Variants in CDK14 observed in about 807,000 individuals in gnomAD.
The protein encoded by CDK14 is cyclin-dependent kinase 14.
A neutral mutation model predicts 60.7 loss-of-function variants in CDK14; 34 were observed. The ratio of observed to expected loss-of-function variants is 0.56; its 90% CI spans 0.43 to 0.75. The LOEUF is 0.75. Ranked by LOEUF, CDK14 falls within the 30% of genes least tolerant of loss-of-function variation. CDK14 has a pLI of 0.00. For missense variants in CDK14, 482 were observed against 564.1 expected (o/e 0.85, Z 1.47); for synonymous variants, 197 against 203.7 (o/e 0.97, Z 0.28).
chr7:90,699,715 A>G (rs17772847), intron 2 of CDK14, among the ~76,000 whole-genome samples: 9,769 of 152,258 alleles, frequency 0.064, 711 homozygotes, highest in East Asian at 0.39. Flanking sequence ...AGGTGGATCC[A>G]TGCTGCATTG....
chr7:91,125,672 A>G (rs766232820), intron 14 of CDK14, among the ~76,000 whole-genome samples: 8 of 152,168 alleles, frequency 5.3e-5, no homozygotes, highest in Non-Finnish European at 8.8e-5. Flanking sequence ...TAATGTACAC[A>G]ATCTAGAAAA....
At position 91,173,746 on chromosome 7, in the gene CDK14, G is replaced by A. The variant is rs867297126; in HGVS notation, c.*29-33419G>A. Among the ~76,000 whole-genome samples, 6 of 152,320 alleles carry A rather than the reference G, an allele frequency of 3.9e-5. No homozygotes were observed. The South Asian group carries it at 1.0e-3, about 26-fold the overall frequency. On this transcript the variant is annotated intron_variant, in intron 14 of 14. Transcript: ENST00000380050. Reference sequence around the variant, plus strand: ...TCCCACCCCAATACCGCGCTTTTCCGATGGGCTTAAAAAACGGCTCACCAC... The same window carrying A: ...TCCCACCCCAATACCGCGCTTTTCCAATGGGCTTAAAAAACGGCTCACCAC...
At chr7:91,068,170 G>A (rs577458714) in intron 11 of CDK14, among the ~76,000 whole-genome samples, 6 of 152,276 alleles carry the variant, frequency 3.9e-5, no homozygotes, top group African/African-American at 9.6e-5. Context: ...GCTGAATTAT[G>A]TTGCATCTTG....
At chr7:90,915,504 C>T (rs1226296703) in intron 7 of CDK14, among the ~76,000 whole-genome samples, 3 of 152,126 alleles carry the variant, frequency 2.0e-5, no homozygotes, top group Admixed American at 6.5e-5. Flanking sequence ...TGAGCCTGCA[C>T]CCCCCAAAAA....
intron 14 of CDK14, among the ~76,000 whole-genome samples, chr7:91,145,024 TCTTA>T (rs537134692): frequency 5.3e-5 from 8 of 152,216 alleles, no homozygotes; most frequent in Non-Finnish European, 1.0e-4. Context: ...ACCTTTTTAT[TCTTA>T]CTTAACTATT....
intron 9 of CDK14, among the ~76,000 whole-genome samples, chr7:90,971,199 T>C (rs7797654): frequency 0.44 from 66,063 of 150,350 alleles, 15,210 homozygotes; most frequent in East Asian, 0.7. Flanking sequence ...TGAACACCTA[T>C]TTTGTACAAG....
At chr7:90,837,166 T>G (rs1790130404) in intron 5 of CDK14, among the ~76,000 whole-genome samples, 1 of 152,202 alleles carries the variant, frequency 6.6e-6, no homozygotes, top group Non-Finnish European at 1.5e-5. Flanking sequence ...CAATGATTAT[T>G]CCTGGGCATT....
chr7:91,148,733 A>G (rs1800733406), intron 14 of CDK14, among the ~76,000 whole-genome samples: 1 of 152,160 alleles, frequency 6.6e-6, no homozygotes, highest in African/African-American at 2.4e-5. Flanking sequence ...GTGTATAAAT[A>G]GGCCGCTGGT....
chr7:90,703,015 T>C (rs1356396417), intron 2 of CDK14, among the ~76,000 whole-genome samples: 1 of 56,078 alleles, frequency 1.8e-5, no homozygotes, highest in African/African-American at 6.6e-5. Context: ...GTTGTTGTTG[T>C]TTTGTTTTTT....
chr7:91,171,340 A>G (rs1331590346), intron 14 of CDK14, among the ~76,000 whole-genome samples: 4 of 152,078 alleles, frequency 2.6e-5, no homozygotes, highest in East Asian at 1.9e-4. Flanking sequence ...ACAGGGCAAC[A>G]CTGCATCTAA....
chr7:90,608,619 A>G, intron 2 of CDK14: 1 of 776,186 alleles, frequency 1.3e-6, no homozygotes, highest in Non-Finnish European at 1.6e-6. Context: ...AACCTTTGAA[A>G]TGCAAAGAAT....
At chr7:90,816,410 C>T (rs2117062246) in intron 5 of CDK14, among the ~76,000 whole-genome samples, 1 of 152,286 alleles carries the variant, frequency 6.6e-6, no homozygotes, top group South Asian at 2.1e-4. Flanking sequence ...AAAAGATAAT[C>T]TGGGTATTGT....
At chr7:90,735,996 CTG>C (rs1803084718) in intron 3 of CDK14, among the ~76,000 whole-genome samples, 1 of 152,240 alleles carries the variant, frequency 6.6e-6, no homozygotes, top group South Asian at 2.1e-4. Context: ...GTTGCAAACA[CTG>C]TGGTAAAAGC....
chr7:90,834,179 G>A (rs944971224), intron 5 of CDK14, among the ~76,000 whole-genome samples: 4 of 152,130 alleles, frequency 2.6e-5, no homozygotes, highest in Non-Finnish European at 2.9e-5. Flanking sequence ...GAAGCAATTC[G>A]AGGAAATTAT....
intron 12 of CDK14, among the ~76,000 whole-genome samples, chr7:91,093,463 C>T (rs894903047): frequency 5.3e-5 from 8 of 152,148 alleles, no homozygotes; most frequent in Non-Finnish European, 8.8e-5. Context: ...GAGTAGTATA[C>T]TTTAGTGTGT....
chr7:90,817,507 T>A (rs1376091895), intron 5 of CDK14, among the ~76,000 whole-genome samples: 1 of 152,220 alleles, frequency 6.6e-6, no homozygotes, highest in Non-Finnish European at 1.5e-5. Context: ...GTTTTAATGA[T>A]GCTAACTTGG....
chr7:91,045,524 CAT>C (rs1225359371), intron 10 of CDK14, among the ~76,000 whole-genome samples: 2 of 152,074 alleles, frequency 1.3e-5, no homozygotes, highest in African/African-American at 2.4e-5. Flanking sequence ...AATGATGAGA[CAT>C]GTGATACTGG....
At chr7:90,766,076 T>G (rs534194605) in intron 4 of CDK14, among the ~76,000 whole-genome samples, 166 of 152,292 alleles carry the variant, frequency 1.1e-3, no homozygotes, top group African/African-American at 3.7e-3. Context: ...TATCTTTTAT[T>G]TTTATTCATG....
intron 14 of CDK14, among the ~76,000 whole-genome samples, chr7:91,184,204 TAAAAAAAAAAAAAAAAA>T (rs59565390): frequency 8.2e-5 from 3 of 36,678 alleles, no homozygotes; most frequent in African/African-American, 3.8e-4. Context: ...GGCTCCGTCT[TAAAAAAAAAAAAAAAAA>T]AAAATTAGCT....
Sources: allele counts gnomAD v4.1 joint callset (sites outside exome capture counted in the v4.1 genomes callset), GRCh38; gene constraint gnomAD v4.1.1; transcripts MANE v1.5; gene names NCBI Gene and HGNC (gene_info 2026-07-23, HGNC 2026-07-21).